Variants in PTPRQ observed in about 807,000 individuals in gnomAD.
The protein encoded by PTPRQ is protein tyrosine phosphatase receptor type Q, also known as phosphatidylinositol phosphatase PTPRQ.
A neutral mutation model predicts 246.0 loss-of-function variants in PTPRQ; 199 were observed. That is an observed-to-expected ratio of 0.81 (90% confidence interval 0.72 to 0.91). The LOEUF (loss-of-function observed/expected upper bound fraction) is 0.91, where lower values mean the gene tolerates loss of function less well. Ranked by LOEUF, PTPRQ falls within the 40% of genes least tolerant of loss-of-function variation. PTPRQ has a pLI of 0.00. For missense variants in PTPRQ, 2,624 were observed against 2,528.4 expected (o/e 1.04, Z -0.81); for synonymous variants, 869 against 853.2 (o/e 1.02, Z -0.32).
chr12:80,472,190 G>A lies in PTPRQ; in HGVS notation c.1125G>A (p.Ala375=), dbSNP rs1358075357. The change falls in exon 8 of 45, where the codon GCG becomes GCA. Residue 375 remains alanine, a synonymous_variant. Coordinates refer to ENST00000644991, the MANE Select transcript of PTPRQ (RefSeq NM_001145026.2). ...TPFTMYDVYI[A]AETSAGTGPK... Reference sequence around the variant, plus strand: ...TTACAATGTATGATGTCTATATTGCGGCTGAAACCAGTGCAGGGACTGGGC... The same window carrying A: ...TTACAATGTATGATGTCTATATTGCAGCTGAAACCAGTGCAGGGACTGGGC... 4.1e-5 allele frequency: 63 copies of A among 1,551,330 alleles called. No individual in the cohort carries two copies. Among genetic ancestry groups the A allele is most frequent in the East Asian group, 4.9e-5 (2 of 40,908 alleles).
intron 8 of PTPRQ, among the ~76,000 whole-genome samples, chr12:80,479,758 T>C (rs1441129595): frequency 2.1e-4 from 31 of 150,144 alleles, no homozygotes; most frequent in South Asian, 4.2e-4. Context: ...TTTAAACCAA[T>C]AAAGATCAAA....
In PTPRQ at chr12:80,649,689, C is replaced by A; in HGVS notation, c.6024+20C>A. On this transcript the variant is annotated intron_variant, in intron 37 of 44. Transcript: ENST00000644991. ...TTTTCGGTATGTTACTAGCAGTTGT[C>A]ACAACATTGCAAGACCTCCAGTCGT... is the stretch of plus-strand genomic sequence containing the variant. 3 of 1,538,806 alleles carry A rather than the reference C, an allele frequency of 1.9e-6. No homozygotes were observed. Among genetic ancestry groups the A allele is most frequent in the South Asian group, 2.5e-5 (2 of 81,428 alleles).
At chr12:80,546,034 T>A (rs551528245) in intron 23 of PTPRQ, among the ~76,000 whole-genome samples, 4 of 152,182 alleles carry the variant, frequency 2.6e-5, no homozygotes, top group African/African-American at 9.6e-5. Context: ...AAGGCAATTA[T>A]ACGCCAGGTG....
rs1233839711 is a variant in PTPRQ at position 80,543,029 on chromosome 12, T to C, written c.3873+148T>C. On this transcript the variant is annotated intron_variant, in intron 23 of 44. Coordinates refer to ENST00000644991, the MANE Select transcript of PTPRQ (RefSeq NM_001145026.2). The stretch of plus-strand genomic sequence containing the variant: ...ATTTCCTACAATTTAAGGATGCTTA[T>C]GGAAAACACAAGCAAGCGTTTGACA... The C allele has an allele frequency of 1.3e-5, 8 of 620,652 alleles. 1 individual carries two copies. The Admixed American group carries it at 1.6e-4, about 12-fold the overall frequency. The allele number at this position is 620,652 out of a possible 1,614,324, so 38.4% of individuals were successfully genotyped here. A position where few individuals can be genotyped will look rare whatever the true frequency, so the allele number is the denominator to read the frequency against.
At chr12:80,638,750 G>A (rs1394918068) in intron 35 of PTPRQ, among the ~76,000 whole-genome samples, 1 of 152,108 alleles carries the variant, frequency 6.6e-6, no homozygotes, top group Non-Finnish European at 1.5e-5. Flanking sequence ...AAATAAAGAT[G>A]TAGTACTCTT....
chr12:80,650,771 T>C (rs1284791974), intron 37 of PTPRQ, among the ~76,000 whole-genome samples: 2 of 152,054 alleles, frequency 1.3e-5, no homozygotes, highest in East Asian at 3.9e-4. Context: ...AGAATAAGAG[T>C]GAATGTAATT....
At chr12:80,668,220 G>C (rs1340639971) in intron 39 of PTPRQ, among the ~76,000 whole-genome samples, 1 of 151,702 alleles carries the variant, frequency 6.6e-6, no homozygotes, top group East Asian at 1.9e-4. Context: ...CACAGATACT[G>C]TTCACAATTA....
chr12:80,535,609 A>C (rs1251254061), intron 19 of PTPRQ, among the ~76,000 whole-genome samples: 1 of 152,194 alleles, frequency 6.6e-6, no homozygotes, highest in African/African-American at 2.4e-5. Flanking sequence ...CTAGGCTTGC[A>C]CAGTTTGTAG....
chr12:80,473,066 C>T (rs1893702041), intron 8 of PTPRQ, among the ~76,000 whole-genome samples: 1 of 151,832 alleles, frequency 6.6e-6, no homozygotes, highest in African/African-American at 2.4e-5. Context: ...CACACACACA[C>T]ACACACACAC....
chr12:80,508,346 A>G (rs1051338668), intron 16 of PTPRQ, among the ~76,000 whole-genome samples: 1 of 152,094 alleles, frequency 6.6e-6, no homozygotes, highest in Non-Finnish European at 1.5e-5. Flanking sequence ...AATAATTTTT[A>G]TGATTTTTAA....
At chr12:80,625,925 A>G (rs903757779) in intron 33 of PTPRQ, among the ~76,000 whole-genome samples, 1 of 152,170 alleles carries the variant, frequency 6.6e-6, no homozygotes, top group African/African-American at 2.4e-5. Context: ...TTTGATTACA[A>G]GGTTTAATTA....
At chr12:80,513,999 G>T (rs1241270149) in intron 17 of PTPRQ, among the ~76,000 whole-genome samples, 1 of 152,080 alleles carries the variant, frequency 6.6e-6, no homozygotes, top group Non-Finnish European at 1.5e-5. Context: ...TTTCTAAGCG[G>T]CTTGTCATGT....
intron 28 of PTPRQ, among the ~76,000 whole-genome samples, chr12:80,611,873 G>A (rs185240755): frequency 6.7e-6 from 1 of 150,304 alleles, no homozygotes; most frequent in African/African-American, 2.4e-5. Flanking sequence ...TATCTCTCTT[G>A]AACCAACTTA....
intron 8 of PTPRQ, 58 bp downstream of exon 8, chr12:80,472,309 G>C: frequency 3.3e-6 from 5 of 1,523,264 alleles, no homozygotes; most frequent in Non-Finnish European, 4.4e-6. Context: ...TTCATGAATT[G>C]GTAAAACATG....
intron 32 of PTPRQ, 107 bp downstream of exon 32, chr12:80,620,483 G>C: frequency 6.9e-7 from 1 of 1,446,080 alleles, no homozygotes; most frequent in Non-Finnish European, 9.2e-7. Context: ...CTGGATGTCC[G>C]CCACGTATAG....
chr12:80,606,309 T>G (rs1898318260), intron 27 of PTPRQ, among the ~76,000 whole-genome samples: 1 of 150,958 alleles, frequency 6.6e-6, no homozygotes, highest in Non-Finnish European at 1.5e-5. Flanking sequence ...GTGAATGAGA[T>G]TCACTATGGA....
Position 80,495,374 on chromosome 12 carries a change from A to T in PTPRQ, c.1882+3A>T. On this transcript the variant is annotated splice_donor_region_variant and intron_variant, in intron 12 of 44. Transcript: ENST00000644991. ...AGATAACAGCTTTCTCATAACAGGT[A>T]GAAAACAATGTTTTGTTGTTGTTGT... 1 of 1,464,034 alleles carries T rather than the reference A, an allele frequency of 6.8e-7. No homozygotes were observed. Among genetic ancestry groups the T allele is most frequent in the Non-Finnish European group, 9.0e-7 (1 of 1,114,196 alleles). 90.7% of individuals were successfully genotyped at this position (1,464,034 alleles called of 1,614,324 possible).
chr12:80,666,643 C>G (rs1224756966), intron 39 of PTPRQ, among the ~76,000 whole-genome samples: 1 of 151,902 alleles, frequency 6.6e-6, no homozygotes, highest in Admixed American at 6.6e-5. Context: ...ACATTGCATA[C>G]ATGTATGAAA....
rs138575849 is a variant in PTPRQ at position 80,651,313 on chromosome 12, T to C, written c.6025-1431T>C. Among the ~76,000 whole-genome samples, 803 of 152,248 alleles carry C rather than the reference T, an allele frequency of 5.3e-3. 5 individuals are homozygous for C. Among genetic ancestry groups the C allele is most frequent in the African/African-American group, 0.018 (752 of 41,578 alleles). On this transcript the variant is annotated intron_variant, in intron 37 of 44. Transcript: ENST00000644991. ...AGATGTGTAAAAATTGCAAATTTAC[T>C]GTATCTTGATGGAGATATGCATGAA...
Sources: allele counts gnomAD v4.1 joint callset (sites outside exome capture counted in the v4.1 genomes callset), GRCh38; gene constraint gnomAD v4.1.1; transcripts MANE v1.5; gene names NCBI Gene and HGNC (gene_info 2026-07-23, HGNC 2026-07-21).